Variants in UBE2O observed in about 807,000 individuals in gnomAD.
The protein encoded by UBE2O is (E3-independent) E2 ubiquitin-conjugating enzyme.
UBE2O carries 15 observed loss-of-function variants against 125.8 expected under a neutral mutation model. The ratio of observed to expected loss-of-function variants is 0.12; its 90% CI spans 0.08 to 0.18. The LOEUF (loss-of-function observed/expected upper bound fraction) is 0.18. Ranked by LOEUF, UBE2O falls within the 10% of genes least tolerant of loss-of-function variation. The probability of loss-of-function intolerance (pLI) is 1.00; values close to 1 mark genes in which losing one functional copy is unlikely to be tolerated. For missense variants in UBE2O, 1,280 were observed against 1,723.6 expected (o/e 0.74, Z 4.56); for synonymous variants, 708 against 703.2 (o/e 1.01, Z -0.11).
rs867485868 is a variant in UBE2O at position 76,405,635 on chromosome 17, T to C, written c.418-63A>G. ...GAAGCCACCACAGAATACAGTTTTC[T>C]TCCAGCTTCTGAAGGAAAGCGTCAC... On this transcript the variant is annotated intron_variant, in intron 1 of 17. Coordinates refer to ENST00000319380, the MANE Select transcript of UBE2O (RefSeq NM_022066.4). This position sits in a 1 kb window ranked among gnomAD's most constrained non-coding sequence, Gnocchi z 6.1. 1 of 1,418,834 alleles carries C rather than the reference T, an allele frequency of 7.0e-7. No individual in the cohort carries two copies. Among genetic ancestry groups the C allele is most frequent in the Middle Eastern group, 1.8e-4 (1 of 5,690 alleles). 87.9% of individuals were successfully genotyped at this position (1,418,834 alleles called of 1,614,324 possible).
Position 76,391,653 on chromosome 17 carries a change from G to A in UBE2O, c.3209-40C>T. 1 of 1,600,800 alleles carries A rather than the reference G, an allele frequency of 6.2e-7. No homozygotes were observed. The highest frequency in any genetic ancestry group is 1.1e-5 in the South Asian group (1 of 89,128). On this transcript the variant is annotated intron_variant, in intron 17 of 17. Transcript: ENST00000319380. This position sits in a 1 kb window ranked among gnomAD's most constrained non-coding sequence, Gnocchi z 8.4. ...CACCTTCCCTCAGTGGGTGAGAGAG[G>A]CCCACAATGCAGGCCTACCCTCCAC... is the stretch of plus-strand genomic sequence containing the variant.
chr17:76,422,859 T>G lies in UBE2O; in HGVS notation c.418-17287A>C, dbSNP rs141551071. Reference sequence around the variant, plus strand: ...CACAAGGGCAGGCACTGGGCACCAGTGCACCCCAGCAAGTGCCTGGAACAC... The same window carrying G: ...CACAAGGGCAGGCACTGGGCACCAGGGCACCCCAGCAAGTGCCTGGAACAC... On this transcript the variant is annotated intron_variant, in intron 1 of 17. Coordinates refer to ENST00000319380, the MANE Select transcript of UBE2O (RefSeq NM_022066.4). 3.6e-3 allele frequency among the ~76,000 whole-genome samples: 549 copies of G among 152,344 alleles called. 5 individuals carry two copies. Among genetic ancestry groups the G allele is most frequent in the African/African-American group, 0.013 (532 of 41,578 alleles).
chr17:76,428,291 T>C (rs571023330), intron 1 of UBE2O, among the ~76,000 whole-genome samples: 45 of 152,370 alleles, frequency 3.0e-4, no homozygotes, highest in Admixed American at 2.7e-3. Context: ...TTACCATTTT[T>C]GAAACTTATG....
intron 1 of UBE2O, among the ~76,000 whole-genome samples, chr17:76,441,876 C>T (rs1184453674): frequency 6.6e-6 from 1 of 152,252 alleles, no homozygotes; most frequent in African/African-American, 2.4e-5. Flanking sequence ...GCCACTGCAA[C>T]TCCAGGCCCC....
Position 76,395,261 on chromosome 17 carries a change from A to C in UBE2O, c.2946+464T>G, listed in dbSNP as rs1158431020. 6.6e-6 allele frequency: 1 copy of C among 151,986 alleles called. No individual in the cohort carries two copies. The highest frequency in any genetic ancestry group is 2.4e-5 in the African/African-American group (1 of 41,122). The allele number at this position is 151,986 out of a possible 1,614,324, so 9.4% of individuals were successfully genotyped here. A position where few individuals can be genotyped will look rare whatever the true frequency, so the allele number is the denominator to read the frequency against. The stretch of plus-strand genomic sequence containing the variant: ...CAGTGGCGTGATCTCGGCTCACTGC[A>C]AGCTCCACCTCCCAGGTTCACGCCA... On this transcript the variant is annotated intron_variant, in intron 15 of 17. Transcript: ENST00000319380. The surrounding 1 kb of genome is among the most constrained non-coding windows in gnomAD (Gnocchi z 5.0).
chr17:76,397,426 G>A (rs1367370441), intron 13 of UBE2O, among the ~76,000 whole-genome samples: 1 of 152,208 alleles, frequency 6.6e-6, no homozygotes, highest in Admixed American at 6.5e-5. Context: ...GAACTGGGTC[G>A]GCTCTCTCCT....
In UBE2O at chr17:76,391,249, G is replaced by A; in HGVS notation, c.3573C>T (p.Ala1191=). ...CTGAGCCCTGGGAGGCCTCTCCTGGGGCTGGCCCTCCATCCTCAGGTTCTT... is the reference window on the plus strand; with the variant it reads ...CTGAGCCCTGGGAGGCCTCTCCTGGAGCTGGCCCTCCATCCTCAGGTTCTT... The part of the protein sequence containing the change: ...GQQEPEDGGP[A]PGEASQGSDS... Residue 1191 remains alanine (A), a synonymous_variant, in exon 18 of 18, where the codon GCC becomes GCT. Transcript: ENST00000319380. This position sits in a 1 kb window ranked among gnomAD's most constrained non-coding sequence, Gnocchi z 8.4. 1 of 1,613,392 alleles carries A rather than the reference G, an allele frequency of 6.2e-7. No homozygotes were observed. The highest frequency in any genetic ancestry group is 1.1e-5 in the South Asian group (1 of 91,082).
In UBE2O at chr17:76,402,736, A is replaced by C. The variant is rs1232526460; in HGVS notation, c.589-37T>G. 2.6e-6 allele frequency: 4 copies of C among 1,545,690 alleles called. No individual in the cohort carries two copies. Among genetic ancestry groups the C allele is most frequent in the Non-Finnish European group, 3.6e-6 (4 of 1,117,576 alleles). On this transcript the variant is annotated intron_variant, in intron 3 of 17. Coordinates refer to ENST00000319380, the MANE Select transcript of UBE2O (RefSeq NM_022066.4). This position sits in a 1 kb window ranked among gnomAD's most constrained non-coding sequence, Gnocchi z 5.4. ...GGAGGCAGGGGCAGTGAGACACAGCAGACAACGTTCATGTCCAGGGCACAG... is the reference window on the plus strand; with the variant it reads ...GGAGGCAGGGGCAGTGAGACACAGCCGACAACGTTCATGTCCAGGGCACAG...
rs537371883 is a variant in UBE2O at position 76,435,239 on chromosome 17, C to G, written c.417+17486G>C. Reference sequence around the variant, plus strand: ...AGAAAGCTACTATTTATGTAAAAAGCTAAAATATAAAAAAGGTATACTCAC... The same window carrying G: ...AGAAAGCTACTATTTATGTAAAAAGGTAAAATATAAAAAAGGTATACTCAC... On this transcript the variant is annotated intron_variant, in intron 1 of 17. Transcript: ENST00000319380. 2.8e-4 allele frequency among the ~76,000 whole-genome samples: 43 copies of G among 152,178 alleles called. 1 individual carries two copies. The South Asian group carries it at 6.0e-3, about 21-fold the overall frequency.
chr17:76,437,934 C>T (rs939309378), intron 1 of UBE2O, among the ~76,000 whole-genome samples: 2 of 152,184 alleles, frequency 1.3e-5, no homozygotes, highest in African/African-American at 2.4e-5. Flanking sequence ...GCTAAATACA[C>T]GCTTCGAAGG....
In UBE2O at chr17:76,400,320, T is replaced by A. The variant is rs1044164367; in HGVS notation, c.1005-23A>T. ...ACCCTGGTTGGGGAAGAAGTGGGGG[T>A]GAGCTGGGCTGGACTCCTGGGAGGC... On this transcript the variant is annotated intron_variant, in intron 7 of 17. Coordinates refer to ENST00000319380, the MANE Select transcript of UBE2O (RefSeq NM_022066.4). This position sits in a 1 kb window ranked among gnomAD's most constrained non-coding sequence, Gnocchi z 4.3. 6.2e-7 allele frequency: 1 copy of A among 1,610,752 alleles called. No individual in the cohort carries two copies. The highest frequency in any genetic ancestry group is 1.3e-5 in the African/African-American group (1 of 74,738).
intron 1 of UBE2O, among the ~76,000 whole-genome samples, chr17:76,409,840 C>T (rs974762808): frequency 1.3e-5 from 2 of 152,150 alleles, no homozygotes; most frequent in African/African-American, 4.8e-5. Context: ...ACATGCTAAG[C>T]GCCCATTCTC....
At chr17:76,450,759 T>C (rs1236882163) in intron 1 of UBE2O, among the ~76,000 whole-genome samples, 1 of 152,070 alleles carries the variant, frequency 6.6e-6, no homozygotes, top group Non-Finnish European at 1.5e-5. Context: ...GTAGCTCAGG[T>C]TACAGGCATG....
chr17:76,434,296 T>G (rs1282657516), intron 1 of UBE2O, among the ~76,000 whole-genome samples: 2 of 152,126 alleles, frequency 1.3e-5, no homozygotes, highest in African/African-American at 4.8e-5. Context: ...AAGCACACGG[T>G]GGCTGAAAAC....
chr17:76,428,420 C>T lies in UBE2O; in HGVS notation c.418-22848G>A, dbSNP rs976936047. Reference sequence around the variant, plus strand: ...TTTTAATCTGTTTCCTGGGAGCCTTCGTCAACTTCAAAGAAAAAGTAATGG... The same window carrying T: ...TTTTAATCTGTTTCCTGGGAGCCTTTGTCAACTTCAAAGAAAAAGTAATGG... On this transcript the variant is annotated intron_variant, in intron 1 of 17. Coordinates refer to ENST00000319380, the MANE Select transcript of UBE2O (RefSeq NM_022066.4). Among the ~76,000 whole-genome samples the T allele has an allele frequency of 8.5e-5, 13 of 152,280 alleles. No individual in the cohort carries two copies. In the East Asian group the frequency reaches 1.4e-3, roughly 16 times the overall value.
In UBE2O at chr17:76,392,119, T is replaced by G. The variant is rs200057437; in HGVS notation, c.2947-6A>C. On this transcript the variant is annotated splice_polypyrimidine_tract_variant and splice_region_variant and intron_variant, in intron 15 of 17. Transcript: ENST00000319380. Reference sequence around the variant, plus strand: ...ATGAGAGCTGAGAAGAGGTCCTAGGTAGGGAGGGAGGGAGGGAGGCCAAGG... The same window carrying G: ...ATGAGAGCTGAGAAGAGGTCCTAGGGAGGGAGGGAGGGAGGGAGGCCAAGG... 71 of 1,040,892 alleles carry G rather than the reference T, an allele frequency of 6.8e-5. No individual in the cohort carries two copies. The highest frequency in any genetic ancestry group is 4.0e-4 in the Admixed American group (13 of 32,806). 64.5% of individuals were successfully genotyped at this position (1,040,892 alleles called of 1,614,324 possible).
At chr17:76,437,820 T>A (rs565408131) in intron 1 of UBE2O, among the ~76,000 whole-genome samples, 2 of 152,328 alleles carry the variant, frequency 1.3e-5, no homozygotes, top group Admixed American at 1.3e-4. Flanking sequence ...TTCTGTATGA[T>A]CTTTGAAACT....
chr17:76,418,689 C>A (rs923735427), intron 1 of UBE2O, among the ~76,000 whole-genome samples: 1 of 151,994 alleles, frequency 6.6e-6, no homozygotes, highest in East Asian at 1.9e-4. Flanking sequence ...CCTGCCTCAG[C>A]CTCCTGAGTA....
In UBE2O at chr17:76,391,289, G is replaced by A; in HGVS notation, c.3533C>T (p.Ser1178Leu). The A allele has an allele frequency of 1.2e-5, 19 of 1,612,852 alleles. No individual in the cohort carries two copies. Among genetic ancestry groups the A allele is most frequent in the Non-Finnish European group, 1.5e-5 (18 of 1,179,954 alleles). Residue 1178 changes from serine (S) to leucine (L), a missense_variant, in exon 18 of 18, where the codon TCA becomes TTA. By Grantham distance (145) the Ser-to-Leu change is moderately radical. Transcript: ENST00000319380. The surrounding 1 kb of genome is among the most constrained non-coding windows in gnomAD (Gnocchi z 8.4). ...CTCAGGTTCTTGTTGGCCGGAGTCT[G>A]ACAGCTCGGCTACAGCTGGGGGCTC... is the stretch of plus-strand genomic sequence containing the variant. ...SPEPPAVAEL[S>L]DSGQQEPEDG...
Sources: allele counts gnomAD v4.1 joint callset (sites outside exome capture counted in the v4.1 genomes callset), GRCh38; gene constraint gnomAD v4.1.1; non-coding constraint Gnocchi (gnomAD v3.1); transcripts MANE v1.5; gene names NCBI Gene and HGNC (gene_info 2026-07-23, HGNC 2026-07-21).